RASSF3: variants seen among roughly 807,000 people sequenced by gnomAD.
The protein encoded by RASSF3 is Ras association domain family member 3, also known as ras association domain-containing protein 3.
A neutral mutation model predicts 19.9 loss-of-function variants in RASSF3; 19 were observed. The observed-to-expected ratio is 0.96, with a 90% CI of 0.67 to 1.40. RASSF3 has a LOEUF of 1.40. Ranked by LOEUF, RASSF3 falls within the 40% of genes most tolerant of loss-of-function variation. The probability of loss-of-function intolerance (pLI) is 0.00; values close to 1 mark genes in which losing one functional copy is unlikely to be tolerated. For missense variants in RASSF3, 306 were observed against 289.8 expected (o/e 1.06, Z -0.41); for synonymous variants, 110 against 104.2 (o/e 1.06, Z -0.34).
At chr12:64,657,161 G>A (rs1460509475) in intron 1 of RASSF3, among the ~76,000 whole-genome samples, 2 of 151,962 alleles carry the variant, frequency 1.3e-5, no homozygotes, top group Admixed American at 6.6e-5. Flanking sequence ...ACAGGCCCAC[G>A]CCACCACGTC....
At chr12:64,638,014 T>C (rs1468187849) in intron 1 of RASSF3, among the ~76,000 whole-genome samples, 1 of 151,734 alleles carries the variant, frequency 6.6e-6, no homozygotes, top group South Asian at 2.1e-4. Flanking sequence ...GTATTTTTAG[T>C]AGAGATGGGG....
At chr12:64,690,014 C>T (rs1592473786) in intron 3 of RASSF3, among the ~76,000 whole-genome samples, 1 of 151,862 alleles carries the variant, frequency 6.6e-6, no homozygotes, top group South Asian at 2.1e-4. Context: ...TGGTCTCGAT[C>T]TCCTGACCTT....
chr12:64,615,408 C>T (rs1870518844), intron 1 of RASSF3, among the ~76,000 whole-genome samples: 1 of 152,144 alleles, frequency 6.6e-6, no homozygotes, highest in African/African-American at 2.4e-5. Context: ...ACAACCCACA[C>T]TTTAAAAAAA....
chr12:64,587,311 C>A (rs1047189919), intron 2 of RASSF3, among the ~76,000 whole-genome samples: 2 of 152,136 alleles, frequency 1.3e-5, no homozygotes, highest in Admixed American at 1.3e-4. Flanking sequence ...CCTGCCTCAG[C>A]CTCCCAAAGT....
intron 1 of RASSF3, among the ~76,000 whole-genome samples, chr12:64,670,839 T>C (rs1452908859): frequency 6.6e-6 from 1 of 152,194 alleles, no homozygotes; most frequent in Admixed American, 6.5e-5. Flanking sequence ...TCAGCTTTCC[T>C]CCTTTCTTTC....
chr12:64,624,725 T>C (rs1188732378), intron 1 of RASSF3, among the ~76,000 whole-genome samples: 1 of 152,178 alleles, frequency 6.6e-6, no homozygotes, highest in African/African-American at 2.4e-5. Context: ...AGTGGCGCGA[T>C]CTAGGCTCAC....
At chr12:64,693,253 T>G (rs950840970) in intron 4 of RASSF3, among the ~76,000 whole-genome samples, 1 of 151,946 alleles carries the variant, frequency 6.6e-6, no homozygotes, top group Non-Finnish European at 1.5e-5. Context: ...TTGTTTGTAT[T>G]TGGTTATCTT....
intron 1 of RASSF3, among the ~76,000 whole-genome samples, chr12:64,516,208 T>G (rs1024695385): frequency 2.6e-5 from 4 of 152,172 alleles, no homozygotes; most frequent in African/African-American, 9.7e-5. Flanking sequence ...TATATTGCCA[T>G]TAAAGTCAGG....
chr12:64,677,101 C>A (rs187295740), intron 1 of RASSF3, among the ~76,000 whole-genome samples: 1 of 152,216 alleles, frequency 6.6e-6, no homozygotes, highest in African/African-American at 2.4e-5. Flanking sequence ...TGTTTCACAT[C>A]GTTTTATGTG....
intron 1 of RASSF3, among the ~76,000 whole-genome samples, chr12:64,507,914 G>C (rs1321752278): frequency 6.6e-6 from 1 of 152,170 alleles, no homozygotes; most frequent in Non-Finnish European, 1.5e-5. Flanking sequence ...GGTCAGAGGA[G>C]AGGGGGTTAA....
intron 1 of RASSF3, among the ~76,000 whole-genome samples, chr12:64,522,285 G>A (rs1296752536): frequency 2.0e-5 from 3 of 151,896 alleles, no homozygotes; most frequent in East Asian, 1.9e-4. Flanking sequence ...ATAAAAAACA[G>A]AAATTGCAAC....
chr12:64,694,925 T>G lies in RASSF3; in HGVS notation c.*13T>G, dbSNP rs749203964. ...GAAGCCTGATTAAAGCGGGGCTCCC[T>G]GCCCGTGAGGCCCGGTGCAGGACCG... On this transcript the variant is annotated 3_prime_UTR_variant, in exon 5 of 5. Coordinates refer to ENST00000542104, the MANE Select transcript of RASSF3 (RefSeq NM_178169.4). 11 of 1,613,092 alleles carry G rather than the reference T, an allele frequency of 6.8e-6. No homozygotes were observed. The highest frequency in any genetic ancestry group is 1.8e-4 in the Middle Eastern group (1 of 5,530).
chr12:64,525,640 G>C (rs571076632), intron 1 of RASSF3, among the ~76,000 whole-genome samples: 2 of 152,138 alleles, frequency 1.3e-5, no homozygotes, highest in African/African-American at 2.4e-5. Flanking sequence ...CCTTGGCTGC[G>C]GAATGGGAAA....
chr12:64,672,513 A>C (rs1211748922), intron 1 of RASSF3, among the ~76,000 whole-genome samples: 1 of 152,148 alleles, frequency 6.6e-6, no homozygotes, highest in Non-Finnish European at 1.5e-5. Flanking sequence ...GGTGTGAGCT[A>C]TCGCACCCAG....
intron 2 of RASSF3, among the ~76,000 whole-genome samples, chr12:64,599,732 C>T (rs557068696): frequency 5.9e-5 from 9 of 152,164 alleles, no homozygotes; most frequent in Admixed American, 2.0e-4. Flanking sequence ...TTTAGGAGCG[C>T]TCAAAATACT....
At chr12:64,693,201 T>C (rs1868310108) in intron 4 of RASSF3, among the ~76,000 whole-genome samples, 1 of 150,042 alleles carries the variant, frequency 6.7e-6, no homozygotes, top group Non-Finnish European at 1.5e-5. Context: ...GGAATTCTTC[T>C]ACCACTGAGC....
chr12:64,595,593 T>A (rs1869988062), intron 2 of RASSF3, among the ~76,000 whole-genome samples: 1 of 152,204 alleles, frequency 6.6e-6, no homozygotes, highest in Non-Finnish European at 1.5e-5. Flanking sequence ...GTTAATTTGT[T>A]TTTTGTCAAT....
intron 2 of RASSF3, among the ~76,000 whole-genome samples, chr12:64,604,961 TA>T (rs775990156): frequency 8.6e-5 from 13 of 151,314 alleles, no homozygotes; most frequent in African/African-American, 1.5e-4. Flanking sequence ...GTTTGTCATA[TA>T]TTTTTTTTTT....
intron 1 of RASSF3, among the ~76,000 whole-genome samples, chr12:64,537,006 T>G (rs988380305): frequency 4.6e-5 from 7 of 152,252 alleles, no homozygotes; most frequent in Non-Finnish European, 8.8e-5. Flanking sequence ...CCACATCTCC[T>G]GTGCTGGATT....
Sources: gnomAD v4.1 joint callset for allele counts (sites outside exome capture counted in the v4.1 genomes callset) on GRCh38, gnomAD v4.1.1 for gene constraint, MANE v1.5 for transcripts, NCBI Gene and HGNC (gene_info 2026-07-23, HGNC 2026-07-21) for gene names.